The following CDH15 variants were observed in gnomAD, a reference collection of about 807,000 sequenced individuals.
CDH15 encodes cadherin 15.
In CDH15, 73 loss-of-function variants were observed where a neutral mutation model predicts 69.4. The observed-to-expected ratio is 1.05, with a 90% CI of 0.87 to 1.28. The LOEUF (loss-of-function observed/expected upper bound fraction) is 1.28. CDH15 is among the 50% of genes most tolerant of loss of function. CDH15 has a pLI of 0.00. For missense variants in CDH15, 1,343 were observed against 1,133.6 expected (o/e 1.18, Z -2.65); for synonymous variants, 624 against 507.7 (o/e 1.23, Z -3.08).
intron 1 of CDH15, among the ~76,000 whole-genome samples, chr16:89,172,588 G>C (rs1915179681): frequency 6.6e-6 from 1 of 152,152 alleles, no homozygotes; most frequent in Non-Finnish European, 1.5e-5. Context: ...ATCTTGTCTG[G>C]ACTGCTGGCA....
rs1915607012 is a variant in CDH15, at chr16:89,190,298, A to G, written c.1034A>G (p.Glu345Gly). The change falls in exon 8 of 14, where the codon GAG becomes GGG. Residue 345 changes from glutamate (E) to glycine (G), a missense_variant. Transcript: ENST00000289746. The part of the protein sequence containing the change: ...HYELKVSVQN[E>G]APLQAAALRA... ...GAACTCAAAGTGTCGGTGCAGAATGAGGCCCCGCTGCAGGCGGCTGCCCTT... is the reference window on the plus strand; with the variant it reads ...GAACTCAAAGTGTCGGTGCAGAATGGGGCCCCGCTGCAGGCGGCTGCCCTT... 1 of 1,612,696 alleles carries G rather than the reference A, an allele frequency of 6.2e-7. No homozygotes were observed. Among genetic ancestry groups the G allele is most frequent in the East Asian group, 2.2e-5 (1 of 44,854 alleles).
chr16:89,180,857 G>A (rs866137416), intron 3 of CDH15, among the ~76,000 whole-genome samples: 27 of 152,158 alleles, frequency 1.8e-4, no homozygotes, highest in Admixed American at 3.3e-4. Context: ...CCGAGTAGCT[G>A]GGACTACAGG....
chr16:89,179,499 C>G lies in CDH15; in HGVS notation c.126C>G (p.Arg42=). 6.2e-7 allele frequency: 1 copy of G among 1,613,298 alleles called. No homozygotes were observed. Among genetic ancestry groups the G allele is most frequent in the Non-Finnish European group, 8.5e-7 (1 of 1,179,804 alleles). Residue 42 remains arginine (R), a synonymous_variant, in exon 2 of 14, where the codon CGC becomes CGG. Transcript: ENST00000289746. ...YPWRRAPALS[R]VRRAWVIPPI... Reference sequence around the variant, plus strand: ...GGCGCCGGGCGCCTGCCCTGAGCCGCGTGCGGAGGGCCTGGGTCATCCCCC... The same window carrying G: ...GGCGCCGGGCGCCTGCCCTGAGCCGGGTGCGGAGGGCCTGGGTCATCCCCC...
chr16:89,191,798 G>C lies in CDH15; in HGVS notation c.1519G>C (p.Asp507His). The C allele has an allele frequency of 6.2e-7, 1 of 1,605,948 alleles. No individual in the cohort carries two copies. The highest frequency in any genetic ancestry group is 8.5e-7 in the Non-Finnish European group (1 of 1,179,500). ...CCCAGGCCTCCTCCTGGGCGCCACG[G>C]ATGAGGACCTGCCCCCCCACGGGGC... ...QGPGLLLGAT[D>H]EDLPPHGAPF... Residue 507 changes from aspartate (D) to histidine (H), a missense_variant, in exon 10 of 14, where the codon GAT becomes CAT. Transcript: ENST00000289746.
At chr16:89,174,990 A>G (rs1915228262) in intron 1 of CDH15, among the ~76,000 whole-genome samples, 1 of 152,134 alleles carries the variant, frequency 6.6e-6, no homozygotes, top group Admixed American at 6.5e-5. Flanking sequence ...GGGAGGACAA[A>G]GAGCCAGCTT....
chr16:89,171,987 G>C, intron 1 of CDH15, 114 bp downstream of exon 1: 1 of 1,163,056 alleles, frequency 8.6e-7, no homozygotes, highest in East Asian at 2.6e-5. Flanking sequence ...GGTCGCCTTT[G>C]GGGGCCTGTG....
Position 89,194,906 on chromosome 16 carries a change from C to T in CDH15, c.2196C>T (p.Asp732=). Residue 732 remains aspartate, a synonymous_variant, in exon 14 of 14, where the codon GAC becomes GAT. Transcript: ENST00000289746. ...ADSDPSVPPY[D]TALIYDYEGD... is the part of the protein sequence containing the mutation. ...GTGACCCCAGTGTGCCGCCTTACGA[C>T]ACAGCCCTCATCTATGACTACGAGG... is the stretch of plus-strand genomic sequence containing the variant. 6.2e-7 allele frequency: 1 copy of T among 1,608,030 alleles called. No individual in the cohort carries two copies. Among genetic ancestry groups the T allele is most frequent in the Non-Finnish European group, 8.5e-7 (1 of 1,177,518 alleles).
At chr16:89,186,583 A>C in intron 5 of CDH15, among the ~76,000 whole-genome samples, 1 of 122,506 alleles carries the variant, frequency 8.2e-6, no homozygotes, top group Non-Finnish European at 1.7e-5. Flanking sequence ...CCCAGCGCAC[A>C]GTAGGTGCTC....
chr16:89,192,504 C>A (rs752699952), intron 11 of CDH15, 60 bp downstream of exon 11: 10 of 1,540,916 alleles, frequency 6.5e-6, no homozygotes, highest in Admixed American at 1.9e-5. Flanking sequence ...CTCCCCAGGC[C>A]GTCCCCTGCT....
chr16:89,181,698 G>T (rs1440963923), intron 3 of CDH15, among the ~76,000 whole-genome samples: 1 of 151,972 alleles, frequency 6.6e-6, no homozygotes, highest in East Asian at 1.9e-4. Flanking sequence ...CCAGCAGTTT[G>T]GGAGGCCAAG....
chr16:89,176,853 G>A (rs1915267850), intron 1 of CDH15, among the ~76,000 whole-genome samples: 2 of 151,862 alleles, frequency 1.3e-5, no homozygotes, highest in East Asian at 1.9e-4. Context: ...ACTCCCCATC[G>A]CCTGCCTGGG....
chr16:89,192,460 G>A lies in CDH15; in HGVS notation c.1855+16G>A, dbSNP rs1424411772. ...CTGCTGCTGGGTGAGTGAGCGCCCC[G>A]CCTCCACCTGGACCCTCGGACCCTC... On this transcript the variant is annotated intron_variant, in intron 11 of 13. Transcript: ENST00000289746. The A allele has an allele frequency of 3.8e-6, 6 of 1,563,280 alleles. No individual in the cohort carries two copies. The East Asian group carries it at 1.4e-4, about 37-fold the overall frequency.
At chr16:89,174,969 G>A (rs1399813584) in intron 1 of CDH15, among the ~76,000 whole-genome samples, 2 of 152,230 alleles carry the variant, frequency 1.3e-5, no homozygotes, top group East Asian at 1.9e-4. Context: ...CTTCTGGGAC[G>A]GGGATGGGGT....
intron 3 of CDH15, among the ~76,000 whole-genome samples, chr16:89,182,068 C>T (rs1032730957): frequency 6.0e-5 from 9 of 150,622 alleles, no homozygotes; most frequent in Non-Finnish European, 1.0e-4. Context: ...GTCTGCACTC[C>T]CTTCAGGCGC....
chr16:89,192,454 C>A lies in CDH15; in HGVS notation c.1855+10C>A, dbSNP rs757576638. 1.9e-6 allele frequency: 3 copies of A among 1,561,344 alleles called. No individual in the cohort carries two copies. The highest frequency in any genetic ancestry group is 2.6e-6 in the Non-Finnish European group (3 of 1,161,322). ...GCCCTCCTGCTGCTGGGTGAGTGAG[C>A]GCCCCGCCTCCACCTGGACCCTCGG... On this transcript the variant is annotated intron_variant, in intron 11 of 13. Transcript: ENST00000289746.
chr16:89,183,541 T>G lies in CDH15; in HGVS notation c.358-7T>G. On this transcript the variant is annotated splice_polypyrimidine_tract_variant and splice_region_variant and intron_variant, in intron 3 of 13. Transcript: ENST00000289746. The stretch of plus-strand genomic sequence containing the variant: ...ACAGAGCCAGCCCTTGCTCTATGTT[T>G]GAACAGCTAAGAGCGTTTGCCCTGG... 1 of 1,614,096 alleles carries G rather than the reference T, an allele frequency of 6.2e-7. No individual in the cohort carries two copies. The highest frequency in any genetic ancestry group is 8.5e-7 in the Non-Finnish European group (1 of 1,180,030).
intron 7 of CDH15, among the ~76,000 whole-genome samples, 199 bp downstream of exon 7, chr16:89,188,484 C>G (rs1394413150): frequency 2.4e-5 from 3 of 123,622 alleles, no homozygotes; most frequent in Admixed American, 1.6e-4. Context: ...ACACAGATGC[C>G]GGCACACACA....
At position 89,192,292 on chromosome 16, in the gene CDH15, C is replaced by T; in HGVS notation, c.1703C>T (p.Pro568Leu). ...CTGCTCCGGGACTCGGGGCAGCCGC[C>T]CCAGCAGCGCGAGCAGCCTCTGAAC... Reference protein sequence around the residue: ...SLLLRDSGQPPQQREQPLNVT... With the variant: ...SLLLRDSGQPLQQREQPLNVT... Residue 568 changes from proline to leucine, a missense_variant, in exon 11 of 14, where the codon CCC becomes CTC. Coordinates refer to ENST00000289746, the MANE Select transcript of CDH15 (RefSeq NM_004933.3). 6.5e-7 allele frequency: 1 copy of T among 1,532,382 alleles called. No homozygotes were observed. Among genetic ancestry groups the T allele is most frequent in the Non-Finnish European group, 8.7e-7 (1 of 1,145,866 alleles). The allele number at this position is 1,532,382 out of a possible 1,614,324, so 94.9% of individuals were successfully genotyped here.
At chr16:89,185,380 C>G (rs775602999) in intron 5 of CDH15, 47 bp downstream of exon 5, 1 of 1,551,128 alleles carries the variant, frequency 6.4e-7, no homozygotes, top group Non-Finnish European at 8.7e-7. Context: ...CCAGGGCAGC[C>G]CATCTCCTGC....
Sources: allele counts gnomAD v4.1 joint callset (sites outside exome capture counted in the v4.1 genomes callset), GRCh38; gene constraint gnomAD v4.1.1; transcripts MANE v1.5; gene names NCBI Gene and HGNC (gene_info 2026-07-23, HGNC 2026-07-21).